The following ASB14 variants were observed in gnomAD, a reference collection of about 807,000 sequenced individuals.
ASB14 encodes ankyrin repeat and SOCS box containing 14.
ASB14 carries 63 observed loss-of-function variants against 55.6 expected under a neutral mutation model. The ratio of observed to expected loss-of-function variants is 1.13; its 90% CI spans 0.92 to 1.40. ASB14 has a LOEUF of 1.40. Among genes scored for constraint, ASB14 ranks in the 40% most tolerant of loss-of-function variants. The probability of loss-of-function intolerance (pLI) is 0.00; values close to 1 mark genes in which losing one functional copy is unlikely to be tolerated. For missense variants in ASB14, 724 were observed against 710.4 expected (o/e 1.02, Z -0.22); for synonymous variants, 256 against 259.9 (o/e 0.98, Z 0.15).
intron 5 of ASB14, among the ~76,000 whole-genome samples, chr3:57,285,659 T>TA (rs1313039287): frequency 6.6e-6 from 1 of 152,224 alleles, no homozygotes; most frequent in Non-Finnish European, 1.5e-5. Context: ...ACTTGTCTTA[T>TA]GTTTCATTTG....
intron 5 of ASB14, 144 bp from the exon 6 acceptor site, chr3:57,283,583 T>A: frequency 1.2e-6 from 1 of 806,856 alleles, no homozygotes; most frequent in Non-Finnish European, 1.9e-6. Flanking sequence ...AAACAGATTG[T>A]AAAGTAAGGC....
chr3:57,288,389 A>G (rs1301190849), intron 3 of ASB14, 103 bp from the exon 4 acceptor site: 3 of 1,241,106 alleles, frequency 2.4e-6, no homozygotes, highest in Non-Finnish European at 3.3e-6. Flanking sequence ...ATAAGACAAC[A>G]GAATTCTAGC....
intron 6 of ASB14, among the ~76,000 whole-genome samples, chr3:57,282,283 A>C (rs1559522500): frequency 6.6e-6 from 1 of 152,218 alleles, no homozygotes; most frequent in Non-Finnish European, 1.5e-5. Context: ...GGAGACCAGG[A>C]CTGTGTATTG....
chr3:57,286,532 A>T (rs546385783), intron 5 of ASB14, among the ~76,000 whole-genome samples: 1 of 152,318 alleles, frequency 6.6e-6, no homozygotes, highest in African/African-American at 2.4e-5. Flanking sequence ...ATCTAACTTT[A>T]TCCATCTCGC....
rs2061030752 is a variant in ASB14 at position 57,280,414 on chromosome 3, C to T, written c.775G>A (p.Gly259Arg). The change falls in exon 7 of 11, where the codon GGA becomes AGA. Residue 259 changes from glycine (G) to arginine (R), a missense_variant. Gly to Arg is a moderately radical substitution (Grantham distance 125). Coordinates refer to ENST00000487349, the MANE Select transcript of ASB14 (RefSeq NM_001142733.3). ...SSSILLEAAS[G>R]GNPDAVALLL... Reference sequence around the variant, plus strand: ...AGAGCCACAGCATCTGGATTTCCTCCACTTGCGGCTTCAAGTAAGATGGAA... The same window carrying T: ...AGAGCCACAGCATCTGGATTTCCTCTACTTGCGGCTTCAAGTAAGATGGAA... 1 of 1,551,460 alleles carries T rather than the reference C, an allele frequency of 6.4e-7. No individual in the cohort carries two copies. Among genetic ancestry groups the T allele is most frequent in the Non-Finnish European group, 8.7e-7 (1 of 1,146,800 alleles).
rs922845147 is a variant in ASB14, at chr3:57,288,374, A to G, written c.179-88T>C. 11 of 1,350,056 alleles carry G rather than the reference A, an allele frequency of 8.1e-6. No individual in the cohort carries two copies. The South Asian group carries it at 1.3e-4, about 16-fold the overall frequency. The allele number at this position is 1,350,056 out of a possible 1,614,324, so 83.6% of individuals were successfully genotyped here. ...CTTCCTGAATTCTACCACCAAAGTT[A>G]ATGCATAAGACAACAGAATTCTAGC... On this transcript the variant is annotated intron_variant, in intron 3 of 10. Coordinates refer to ENST00000487349, the MANE Select transcript of ASB14 (RefSeq NM_001142733.3).
chr3:57,285,841 C>A (rs763841225), intron 5 of ASB14, among the ~76,000 whole-genome samples: 19 of 152,042 alleles, frequency 1.2e-4, no homozygotes, highest in Non-Finnish European at 2.2e-4. Context: ...ATCCTAAGAT[C>A]GTTATTCCCC....
At chr3:57,271,006 T>A (rs1228831321) in intron 10 of ASB14, 1 of 152,116 alleles carries the variant, frequency 6.6e-6, no homozygotes, top group Non-Finnish European at 1.5e-5. Flanking sequence ...TTTCATGTGT[T>A]TCACATGAAA....
rs550668640 is a variant in ASB14, at chr3:57,288,579, C to G, written c.179-293G>C. Among the ~76,000 whole-genome samples, 6 of 152,138 alleles carry G rather than the reference C, an allele frequency of 3.9e-5. No individual in the cohort carries two copies. In the East Asian group the frequency reaches 9.7e-4, roughly 25 times the overall value. Reference sequence around the variant, plus strand: ...CTGAAGTATTTTCTCCCAGAAAAGCCTACATCAGACTCTTGACAATCAGCT... The same window carrying G: ...CTGAAGTATTTTCTCCCAGAAAAGCGTACATCAGACTCTTGACAATCAGCT... On this transcript the variant is annotated intron_variant, in intron 3 of 10. Coordinates refer to ENST00000487349, the MANE Select transcript of ASB14 (RefSeq NM_001142733.3).
chr3:57,271,515 A>G (rs1340997269), intron 10 of ASB14: 2 of 152,156 alleles, frequency 1.3e-5, no homozygotes, highest in South Asian at 2.1e-4. Context: ...TGTTTTTAAG[A>G]CCTTTTGGAG....
At chr3:57,286,891 T>G (rs1365079939) in intron 5 of ASB14, among the ~76,000 whole-genome samples, 2 of 152,218 alleles carry the variant, frequency 1.3e-5, no homozygotes, top group African/African-American at 4.8e-5. Flanking sequence ...AATTTTCACT[T>G]CTTTCCTATT....
At chr3:57,286,648 C>T (rs2061083019) in intron 5 of ASB14, among the ~76,000 whole-genome samples, 2 of 152,348 alleles carry the variant, frequency 1.3e-5, no homozygotes, top group South Asian at 4.1e-4. Flanking sequence ...TAATTTGCCA[C>T]AGAAAGTTCT....
rs1490379201 is a variant in ASB14 at position 57,277,857 on chromosome 3, G to C, written c.1495C>G (p.Leu499Val). 1 of 1,613,866 alleles carries C rather than the reference G, an allele frequency of 6.2e-7. No homozygotes were observed. Among genetic ancestry groups the C allele is most frequent in the East Asian group, 2.2e-5 (1 of 44,848 alleles). ...HLSGKVVRVM[L>V]DYVDQVRICS... Reference sequence around the variant, plus strand: ...ATCCGAACTTGATCAACATAATCAAGCATCACTCGAACAACCTTTCCAGAG... The same window carrying C: ...ATCCGAACTTGATCAACATAATCAACCATCACTCGAACAACCTTTCCAGAG... The change falls in exon 9 of 11, where the codon CTT becomes GTT. Residue 499 changes from leucine (L) to valine (V), a missense_variant. Leu to Val is a conservative substitution (Grantham distance 32). Transcript: ENST00000487349.
rs1478947090 is a variant in ASB14 at position 57,283,192 on chromosome 3, G to A, written c.715+2C>T. 3 of 1,552,150 alleles carry A rather than the reference G, an allele frequency of 1.9e-6. No individual in the cohort carries two copies. Among genetic ancestry groups the A allele is most frequent in the Non-Finnish European group, 2.6e-6 (3 of 1,146,994 alleles). ...GTGTGCTGACCAAACAGAAGATCTT[G>A]CCTTTCCGCAGTAACATTTCCATGA... On this transcript the variant is annotated splice_donor_variant, in intron 6 of 10. Coordinates refer to ENST00000487349, the MANE Select transcript of ASB14 (RefSeq NM_001142733.3). LOFTEE classifies it low-confidence loss of function (GC_TO_GT_DONOR).
Position 57,277,822 on chromosome 3 carries a change from C to T in ASB14, c.1530G>A (p.Lys510=). ...CCTGTTTTTGGAGCACAGCTTTCAA[C>T]TTTGAACAGATCCGAACTTGATCAA... ...DYVDQVRICS[K]LKAVLQKQGI... Residue 510 remains lysine, a synonymous_variant, in exon 9 of 11, where the codon AAG becomes AAA. Transcript: ENST00000487349. 1 of 1,613,900 alleles carries T rather than the reference C, an allele frequency of 6.2e-7. No homozygotes were observed. The highest frequency in any genetic ancestry group is 8.5e-7 in the Non-Finnish European group (1 of 1,179,894).
At position 57,280,479 on chromosome 3, in the gene ASB14, A is replaced by C; in HGVS notation, c.716-6T>G. 1.3e-6 allele frequency: 2 copies of C among 1,547,018 alleles called. No homozygotes were observed. Among genetic ancestry groups the C allele is most frequent in the Non-Finnish European group, 1.7e-6 (2 of 1,143,648 alleles). ...CTGACCATGAGCATTAGCTCCTAAGAGGAGAAAGACTCTTGTTAATGCAAA... is the reference window on the plus strand; with the variant it reads ...CTGACCATGAGCATTAGCTCCTAAGCGGAGAAAGACTCTTGTTAATGCAAA... On this transcript the variant is annotated splice_polypyrimidine_tract_variant and splice_region_variant and intron_variant, in intron 6 of 10. Coordinates refer to ENST00000487349, the MANE Select transcript of ASB14 (RefSeq NM_001142733.3).
rs34419265 is a variant in ASB14, at chr3:57,289,687, C to CTTTTTTTTT, written c.123-573_123-565dup. Among the ~76,000 whole-genome samples the CTTTTTTTTT allele has an allele frequency of 3.3e-4, 33 of 100,338 alleles. 2 individuals are homozygous for CTTTTTTTTT. The highest frequency in any genetic ancestry group is 1.5e-3 in the East Asian group (4 of 2,638). The allele number at this position is 100,338 out of a possible 152,430, so 65.8% of individuals were successfully genotyped here. A position where few individuals can be genotyped will look rare whatever the true frequency, so the allele number is the denominator to read the frequency against. The stretch of plus-strand genomic sequence containing the variant: ...CAAATAAGGATTGTCACCTTCCATT[C>CTTTTTTTTT]TTTTTTTTTTTTTTTTTTTTTTTGA... On this transcript the variant is annotated intron_variant, in intron 2 of 10. Coordinates refer to ENST00000487349, the MANE Select transcript of ASB14 (RefSeq NM_001142733.3).
rs574801035 is a variant in ASB14, at chr3:57,291,165, C to T, written c.122+747G>A. On this transcript the variant is annotated intron_variant, in intron 2 of 10. Coordinates refer to ENST00000487349, the MANE Select transcript of ASB14 (RefSeq NM_001142733.3). ...CATGGTTTGTTACATTTTAAAAATA[C>T]TATATAGGTTTGATGTACTTCATTG... Among the ~76,000 whole-genome samples the T allele has an allele frequency of 2.7e-4, 41 of 152,254 alleles. 1 individual carries two copies. In the South Asian group the frequency reaches 8.3e-3, roughly 31 times the overall value.
chr3:57,288,866 C>G, intron 3 of ASB14: 1 of 419,630 alleles, frequency 2.4e-6, no homozygotes. Flanking sequence ...AGGCGCCCGC[C>G]ACCATGCCCG....
Sources: allele counts gnomAD v4.1 joint callset (sites outside exome capture counted in the v4.1 genomes callset), GRCh38; gene constraint gnomAD v4.1.1; transcripts MANE v1.5; gene names NCBI Gene and HGNC (gene_info 2026-07-23, HGNC 2026-07-21).